IKBKG: variants seen among roughly 807,000 people sequenced by gnomAD.
The protein encoded by IKBKG is NF-kappa-B essential modulator.
A neutral mutation model predicts 13.7 loss-of-function variants in IKBKG; 2 were observed. The ratio of observed to expected loss-of-function variants is 0.15; its 90% confidence interval spans 0.06 to 0.46. IKBKG has a LOEUF of 0.46. Among genes scored for constraint, IKBKG ranks in the 20% least tolerant of loss-of-function variants. The pLI is 0.98. For synonymous variants in IKBKG, 22 were observed against 64.4 expected (o/e 0.34, Z 3.15); for missense variants, 53 against 150.3 (o/e 0.35, Z 3.39).
upstream of IKBKG, among the ~76,000 whole-genome samples, chrX:154,544,213 G>C (rs782747176): frequency 1.8e-5 from 2 of 108,659 alleles, no homozygotes; most frequent in East Asian, 2.9e-4. Flanking sequence ...CCAGGCTGGA[G>C]TGCAGTGGCG....
upstream of IKBKG, chrX:154,546,029 T>C (rs369904290): frequency 8.3e-7 from 1 of 1,209,730 alleles, no homozygotes; most frequent in Non-Finnish European, 1.1e-6. Context: ...GCCTGGGAGA[T>C]ACTCACCGAT....
At chrX:154,551,771 G>A (rs1371133926) in intron 1 of IKBKG, among the ~76,000 whole-genome samples, 1 of 111,595 alleles carries the variant, frequency 9.0e-6, no homozygotes, top group Non-Finnish European at 1.9e-5. Context: ...TTCCAGCCTG[G>A]AGCTAGGCCT....
At chrX:154,546,423 A>G (rs1483141538), upstream of IKBKG, among the ~76,000 whole-genome samples, 1 of 112,337 alleles carries the variant, frequency 8.9e-6, no homozygotes, top group Non-Finnish European at 1.9e-5. Flanking sequence ...TATTCCGACT[A>G]CAGCATCAAT....
upstream of IKBKG, among the ~76,000 whole-genome samples, chrX:154,545,283 C>G (rs1557232929): frequency 9.0e-6 from 1 of 111,527 alleles, no homozygotes; most frequent in African/African-American, 3.3e-5. Context: ...GGTAGGCTTT[C>G]GAAATTGAGG....
chrX:154,546,259 G>A (rs1424729958), upstream of IKBKG: 9 of 1,074,565 alleles, frequency 8.4e-6, no homozygotes, highest in East Asian at 1.8e-4. Flanking sequence ...CTCACACCAG[G>A]GTGACACCTG....
chrX:154,546,158 C>G (rs373126405), upstream of IKBKG: 5 of 1,211,698 alleles, frequency 4.1e-6, no homozygotes, highest in Non-Finnish European at 4.5e-6. Flanking sequence ...TCTGCCATGA[C>G]GCTGTCTGGT....
upstream of IKBKG, chrX:154,546,240 C>T (rs782639659): frequency 1.3e-5 from 15 of 1,147,759 alleles, no homozygotes; most frequent in African/African-American, 2.7e-4. Context: ...TTGAGAGTTC[C>T]TCTGGGGTCT....
At chrX:154,550,358 G>T (rs2070896947) in intron 1 of IKBKG, among the ~76,000 whole-genome samples, 1 of 100,234 alleles carries the variant, frequency 1.0e-5, no homozygotes, top group Admixed American at 1.2e-4. Context: ...AGAAGGCCTT[G>T]GGTAGATCTG....
intron 1 of IKBKG, among the ~76,000 whole-genome samples, chrX:154,551,406 G>A: frequency 9.0e-6 from 1 of 110,563 alleles, no homozygotes; most frequent in Non-Finnish European, 1.9e-5. Flanking sequence ...TCCAGTCTCC[G>A]AGGCAGTCCC....
In IKBKG at chrX:154,547,715, C is replaced by T. The variant is rs1205694526; in HGVS notation, c.-46C>T. The T allele has an allele frequency of 4.0e-6, 3 of 754,210 alleles. No individual in the cohort carries two copies. Among genetic ancestry groups the T allele is most frequent in the African/African-American group, 2.3e-5 (1 of 43,720 alleles). 62.2% of individuals were successfully genotyped at this position (754,210 alleles called of 1,213,427 possible). A position where few individuals can be genotyped will look rare whatever the true frequency, so the allele number is the denominator to read the frequency against. On this transcript the variant is annotated 5_prime_UTR_variant, in exon 1 of 10. Coordinates refer to ENST00000594239, the MANE Select transcript of IKBKG (RefSeq NM_001099857.5). ...AGCGTTCACAGTCCGCCGCTCCCAC[C>T]CTTCTCACGTCTGACGGACTCTGCT...
intron 2 of IKBKG, among the ~76,000 whole-genome samples, chrX:154,552,593 C>T (rs1043068038): frequency 3.5e-4 from 38 of 109,243 alleles, no homozygotes; most frequent in African/African-American, 1.1e-3. Context: ...TGGGAAGAGG[C>T]GTGGTCTGCC....
upstream of IKBKG, among the ~76,000 whole-genome samples, chrX:154,545,144 G>A (rs1304535006): frequency 9.0e-6 from 1 of 111,218 alleles, no homozygotes; most frequent in Non-Finnish European, 1.9e-5. Context: ...GGCTGTCCTA[G>A]GACCACCCCT....
chrX:154,550,258 G>A (rs868973931), intron 1 of IKBKG, among the ~76,000 whole-genome samples: 5 of 102,756 alleles, frequency 4.9e-5, no homozygotes, highest in South Asian at 4.8e-4. Flanking sequence ...GTGTGTGTGT[G>A]TATGTGTGTG....
upstream of IKBKG, among the ~76,000 whole-genome samples, chrX:154,543,752 G>A (rs1253533787): frequency 1.8e-5 from 2 of 110,403 alleles, no homozygotes; most frequent in Non-Finnish European, 3.8e-5. Flanking sequence ...GGAGTGCAAT[G>A]GTGCCATCTC....
rs782037926 is a variant in IKBKG, at chrX:154,547,869, C to G, written c.-16+124C>G. ...CCCAGCCCGTTCCTGCTCCGCGCTT[C>G]TGGAGCACTGGCCAAGGCGGGCCGA... is the stretch of plus-strand genomic sequence containing the variant. On this transcript the variant is annotated intron_variant, in intron 1 of 9. Transcript: ENST00000594239. 2.4e-5 allele frequency: 18 copies of G among 753,941 alleles called. No homozygotes were observed. In the African/African-American group the frequency reaches 4.1e-4, roughly 17 times the overall value. The allele number at this position is 753,941 out of a possible 1,213,427, so 62.1% of individuals were successfully genotyped here.
chrX:154,552,058 G>A lies in IKBKG; in HGVS notation c.56G>A (p.Gly19Asp), dbSNP rs782533747. Residue 19 changes from glycine (G) to aspartate (D), a missense_variant, in exon 2 of 10, where the codon GGC becomes GAC. Gly to Asp is a moderately conservative substitution (Grantham distance 94, BLOSUM62 -1). Around this residue, in one of 3 missense-constraint regions of IKBKG, gnomAD observed 47 missense variants for 50.0 expected, o/e 0.94. Coordinates refer to ENST00000594239, the MANE Select transcript of IKBKG (RefSeq NM_001099857.5). ...QLCEMVQPSGGPAADQDVLGE... is the reference protein window; with the variant it reads ...QLCEMVQPSGDPAADQDVLGE... Reference sequence around the variant, plus strand: ...TGTGAGATGGTGCAGCCCAGTGGTGGCCCGGCAGCAGATCAGGACGTACTG... The same window carrying A: ...TGTGAGATGGTGCAGCCCAGTGGTGACCCGGCAGCAGATCAGGACGTACTG... 3.0e-5 allele frequency: 35 copies of A among 1,163,692 alleles called. No individual in the cohort carries two copies. Among genetic ancestry groups the A allele is most frequent in the Non-Finnish European group, 4.6e-6 (4 of 866,165 alleles).
intron 2 of IKBKG, among the ~76,000 whole-genome samples, chrX:154,552,965 T>C (rs1557235417): frequency 1.8e-5 from 2 of 112,034 alleles, no homozygotes; most frequent in Non-Finnish European, 3.8e-5. Context: ...TGCCCTGGGT[T>C]AGCCTGGCGG....
chrX:154,547,883 A>C, intron 1 of IKBKG, 138 bp downstream of exon 1: 2 of 754,632 alleles, frequency 2.7e-6, no homozygotes, highest in Non-Finnish European at 1.6e-6. Flanking sequence ...AGCACTGGCC[A>C]AGGCGGGCCG....
Position 154,547,651 on chromosome X carries a change from C to G in IKBKG, c.-110C>G. On this transcript the variant is annotated 5_prime_UTR_variant, in exon 1 of 10. Transcript: ENST00000594239. ...CGGAAGCGTGGTAGGGAAGGGCGACCGCGAAACTGGGACTTTCTCGGAGCG... is the reference window on the plus strand; with the variant it reads ...CGGAAGCGTGGTAGGGAAGGGCGACGGCGAAACTGGGACTTTCTCGGAGCG... The G allele has an allele frequency of 1.3e-6, 1 of 754,993 alleles. No homozygotes were observed. Among genetic ancestry groups the G allele is most frequent in the Non-Finnish European group, 1.6e-6 (1 of 639,470 alleles). The allele number at this position is 754,993 out of a possible 1,213,427, so 62.2% of individuals were successfully genotyped here. A position where few individuals can be genotyped will look rare whatever the true frequency, so the allele number is the denominator to read the frequency against.
Sources: gnomAD v4.1 joint callset for allele counts (sites outside exome capture counted in the v4.1 genomes callset) on GRCh38, gnomAD v4.1.1 for gene constraint, gnomAD v4.1.1 regional missense constraint, MANE v1.5 for transcripts, NCBI Gene and HGNC (gene_info 2026-07-23, HGNC 2026-07-21) for gene names.